Variants in SCAF11 observed in about 807,000 individuals in gnomAD.
The protein encoded by SCAF11 is SR-related CTD associated factor 11.
In SCAF11, 47 loss-of-function variants were observed where a neutral mutation model predicts 140.5. The observed-to-expected ratio is 0.33, with a 90% CI of 0.26 to 0.43. The LOEUF is 0.43. Among genes scored for constraint, SCAF11 ranks in the 20% least tolerant of loss-of-function variants. The pLI is 1.00. For synonymous variants in SCAF11, 557 were observed against 579.4 expected, an observed-to-expected ratio of 0.96 and a Z score of 0.55; for missense variants, 1,645 against 1,705.1, an observed-to-expected ratio of 0.96 and a Z score of 0.62.
chr12:45,985,764 C>T (rs1016082599), intron 1 of SCAF11, among the ~76,000 whole-genome samples: 1 of 152,146 alleles, frequency 6.6e-6, no homozygotes, highest in Non-Finnish European at 1.5e-5. Context: ...GATCTCAATA[C>T]TTTTAGATCT....
At chr12:45,965,265 T>C (rs931163572) in intron 1 of SCAF11, among the ~76,000 whole-genome samples, 10 of 152,178 alleles carry the variant, frequency 6.6e-5, no homozygotes, top group Non-Finnish European at 8.8e-5. Flanking sequence ...GATATTTGCA[T>C]AGCTAAAGTA....
Position 45,926,222 on chromosome 12 carries a change from T to A in SCAF11, c.3479A>T (p.Asn1160Ile), listed in dbSNP as rs1342849192. The change falls in exon 11 of 15, where the codon AAC becomes ATC. Residue 1160 changes from asparagine to isoleucine, a missense_variant. Physicochemically the swap from Asn to Ile is moderately radical, Grantham distance 149. Transcript: ENST00000369367. ...ATTTCTGCCTCGTCGTGAGTAGTAG[T>A]TTTGTACATCTGCTGGCAAAGTCTT... ...VRKTLPADVQ[N>I]YYSRRGRNSS... The A allele has an allele frequency of 6.2e-7, 1 of 1,614,076 alleles. No individual in the cohort carries two copies. The highest frequency in any genetic ancestry group is 1.3e-5 in the African/African-American group (1 of 74,928).
At chr12:45,983,930 G>A (rs1946403900) in intron 1 of SCAF11, among the ~76,000 whole-genome samples, 1 of 152,118 alleles carries the variant, frequency 6.6e-6, no homozygotes, top group South Asian at 2.1e-4. Context: ...GTCTTAAGAG[G>A]GTTTAAATTT....
chr12:45,973,665 C>G (rs2136646125), intron 1 of SCAF11, among the ~76,000 whole-genome samples: 1 of 152,172 alleles, frequency 6.6e-6, no homozygotes, highest in East Asian at 1.9e-4. Context: ...TATCAGAAAC[C>G]ATGCAAGTCA....
intron 6 of SCAF11, chr12:45,935,062 G>A (rs1945139600): frequency 6.6e-6 from 1 of 152,254 alleles, no homozygotes; most frequent in African/African-American, 2.4e-5. Context: ...GACTGAAACA[G>A]CTTTCTGTTA....
At chr12:45,933,792 A>T (rs1945109374) in intron 8 of SCAF11, among the ~76,000 whole-genome samples, 1 of 152,160 alleles carries the variant, frequency 6.6e-6, no homozygotes, top group Non-Finnish European at 1.5e-5. Flanking sequence ...CATAAATATC[A>T]ACTTAGTATC....
chr12:45,928,438 T>C lies in SCAF11; in HGVS notation c.1263A>G (p.Lys421=), dbSNP rs1266890267. 3.7e-6 allele frequency: 6 copies of C among 1,612,404 alleles called. No individual in the cohort carries two copies. In the African/African-American group the frequency reaches 8.0e-5, roughly 22 times the overall value. Residue 421 remains lysine, a synonymous_variant, in exon 11 of 15, where the codon AAA becomes AAG. Coordinates refer to ENST00000369367, the MANE Select transcript of SCAF11 (RefSeq NM_004719.3). ...AESDTSPVLE[K]EHQPDVDSSN... ...TACTGTCTACATCTGGTTGGTGCTC[T>C]TTTTCTAACACAGGTGATGTGTCAG...
chr12:45,964,222 T>G (rs1447408456), intron 1 of SCAF11, 34 bp from the exon 2 acceptor site: 2 of 982,302 alleles, frequency 2.0e-6, no homozygotes, highest in Admixed American at 2.5e-5. Flanking sequence ...AATTTTATGT[T>G]TGCCTTCTCC....
At chr12:45,961,976 CT>C in intron 2 of SCAF11, 119 bp from the exon 3 acceptor site, 2 of 616,864 alleles carry the variant, frequency 3.2e-6, no homozygotes, top group Non-Finnish European at 5.0e-6. Flanking sequence ...GCAAATAGAT[CT>C]TAGATAAATT....
chr12:45,961,952 C>T (rs953053943), intron 2 of SCAF11, 95 bp from the exon 3 acceptor site: 2 of 855,544 alleles, frequency 2.3e-6, no homozygotes, highest in African/African-American at 3.5e-5. Flanking sequence ...TCTAAAGGAC[C>T]CTCCTACTAT....
intron 6 of SCAF11, among the ~76,000 whole-genome samples, chr12:45,942,452 C>A (rs984094397): frequency 2.0e-5 from 3 of 152,200 alleles, no homozygotes. Context: ...CCAGAGTAAT[C>A]CTTTTAAAAT....
Position 45,934,186 on chromosome 12 carries a change from T to C in SCAF11, c.622A>G (p.Arg208Gly). 1 of 1,560,382 alleles carries C rather than the reference T, an allele frequency of 6.4e-7. No homozygotes were observed. The highest frequency in any genetic ancestry group is 8.8e-7 in the Non-Finnish European group (1 of 1,134,256). ...GTAGAAAATACTAACCAATAAGCTC[T>C]ATAGGTAAAGGAAGATTCTCCAGAG... ...SHSGESSFTY[R>G]AYCTEFIEAS... The change falls in exon 8 of 15, where the codon AGA (arginine) becomes GGA (glycine). Residue 208 changes from arginine (R) to glycine (G), a missense_variant. Transcript: ENST00000369367.
At chr12:45,956,089 A>G in intron 3 of SCAF11, 1 of 714,634 alleles carries the variant, frequency 1.4e-6, no homozygotes, top group Non-Finnish European at 2.6e-6. Context: ...ATGTAAGAAC[A>G]AGAAACCTTC....
chr12:45,986,109 C>T (rs1946453991), intron 1 of SCAF11, among the ~76,000 whole-genome samples: 2 of 152,058 alleles, frequency 1.3e-5, no homozygotes, highest in Non-Finnish European at 2.9e-5. Context: ...AGTTATATTC[C>T]CTCACCTAGG....
At position 45,925,084 on chromosome 12, in the gene SCAF11, GA is replaced by G. The variant is rs1178574764; in HGVS notation, c.3560-11del. 5 of 1,575,012 alleles carry G rather than the reference GA, an allele frequency of 3.2e-6. No individual in the cohort carries two copies. Among genetic ancestry groups the G allele is most frequent in the Non-Finnish European group, 4.3e-6 (5 of 1,159,980 alleles). On this transcript the variant is annotated splice_polypyrimidine_tract_variant and intron_variant, in intron 11 of 14. Transcript: ENST00000369367. ...TCTTTTAGGCTAGAATCTATCAAAA[GA>G]AAAAAAGCTTGTGAAAAAAATCATG...
chr12:45,978,929 C>T (rs938823170), intron 1 of SCAF11, among the ~76,000 whole-genome samples: 2 of 151,912 alleles, frequency 1.3e-5, no homozygotes, highest in Admixed American at 6.5e-5. Flanking sequence ...ACACTTGAGA[C>T]AGTTAATTTA....
intron 3 of SCAF11, among the ~76,000 whole-genome samples, chr12:45,953,414 C>T (rs1945596810): frequency 6.6e-6 from 1 of 152,172 alleles, no homozygotes; most frequent in African/African-American, 2.4e-5. Context: ...CATGGTGGTG[C>T]ATGCCTGTAA....
At chr12:45,976,443 G>A (rs1393056659) in intron 1 of SCAF11, among the ~76,000 whole-genome samples, 1 of 152,036 alleles carries the variant, frequency 6.6e-6, no homozygotes, top group African/African-American at 2.4e-5. Flanking sequence ...ACTTTATCAT[G>A]AGTATGTACA....
At chr12:45,924,651 T>G in intron 12 of SCAF11, 77 bp downstream of exon 12, 1 of 1,238,198 alleles carries the variant, frequency 8.1e-7, no homozygotes, top group East Asian at 2.4e-5. Context: ...CAGGATGCCT[T>G]TTTTTGAACA....
Sources: gnomAD v4.1 joint callset for allele counts (sites outside exome capture counted in the v4.1 genomes callset) on GRCh38, gnomAD v4.1.1 for gene constraint, MANE v1.5 for transcripts, NCBI Gene and HGNC (gene_info 2026-07-23, HGNC 2026-07-21) for gene names.